The following MED13 variants were observed in gnomAD, a reference collection of about 807,000 sequenced individuals.
The protein encoded by MED13 is mediator complex subunit 13, also known as mediator of RNA polymerase II transcription subunit 13.
Under a neutral mutation model 225.2 loss-of-function variants are expected in MED13, and 23 were observed. That is an observed-to-expected ratio of 0.10 (90% CI 0.07 to 0.14). MED13 has a LOEUF of 0.14. MED13 is among the 10% of genes least tolerant of loss of function. MED13 has a pLI of 1.00. For missense variants in MED13, 2,197 were observed against 2,594.5 expected, an observed-to-expected ratio of 0.85 and a Z score of 3.33; for synonymous variants, 942 against 889.2, an observed-to-expected ratio of 1.06 and a Z score of -1.06.
intron 2 of MED13, 60 bp from the exon 3 acceptor site, chr17:62,052,765 T>A: frequency 7.8e-7 from 1 of 1,283,834 alleles, no homozygotes; most frequent in Non-Finnish European, 1.0e-6. Flanking sequence ...CAGAGCCAAG[T>A]AAAAAAGGTT....
intron 8 of MED13, among the ~76,000 whole-genome samples, chr17:62,026,743 A>G (rs1809963931): frequency 6.6e-6 from 1 of 152,192 alleles, no homozygotes; most frequent in African/African-American, 2.4e-5. Context: ...GTAAAATTTC[A>G]GGATACAAAA....
Position 61,950,388 on chromosome 17 carries a change from T to G in MED13, c.6291+437A>C, listed in dbSNP as rs190883143. On this transcript the variant is annotated intron_variant, in intron 28 of 29. Coordinates refer to ENST00000397786, the MANE Select transcript of MED13 (RefSeq NM_005121.3). ...AATATAAATTTAAAAACTAGTTGTT[T>G]TTTTTTTTTTTGAGACAGAGTCTCA... Among the ~76,000 whole-genome samples the G allele has an allele frequency of 4.8e-3, 734 of 151,772 alleles. 5 individuals carry two copies. The highest frequency in any genetic ancestry group is 6.6e-3 in the Non-Finnish European group (447 of 67,818).
chr17:62,035,359 TA>T (rs1386877403), intron 4 of MED13, 103 bp downstream of exon 4: 1 of 985,412 alleles, frequency 1.0e-6, no homozygotes, highest in Non-Finnish European at 1.4e-6. Flanking sequence ...ATCATTAGGC[TA>T]AAGATCAGGG....
chr17:62,033,735 A>C (rs1046575457), intron 5 of MED13, 52 bp downstream of exon 5: 29 of 1,535,552 alleles, frequency 1.9e-5, no homozygotes, highest in Non-Finnish European at 7.1e-6. Flanking sequence ...AAATATAACT[A>C]ACACATACAA....
intron 8 of MED13, among the ~76,000 whole-genome samples, chr17:62,016,915 C>T (rs1414846303): frequency 2.6e-5 from 4 of 151,908 alleles, no homozygotes; most frequent in Non-Finnish European, 2.9e-5. Context: ...GAGGCTGAGG[C>T]AGGAGAATCA....
At chr17:61,995,390 T>G (rs375068005) in intron 9 of MED13, 25 bp from the exon 10 acceptor site, 2 of 1,528,570 alleles carry the variant, frequency 1.3e-6, no homozygotes, top group African/African-American at 1.4e-5. Flanking sequence ...TAAAAAAAAT[T>G]AATTATCCAC....
intron 17 of MED13, among the ~76,000 whole-genome samples, chr17:61,969,981 A>G (rs2080092887): frequency 2.0e-5 from 3 of 152,200 alleles, no homozygotes. Context: ...GAACATGGAG[A>G]TTACAAAACA....
chr17:62,006,009 C>T (rs1377005123), intron 9 of MED13: 2 of 152,084 alleles, frequency 1.3e-5, no homozygotes, highest in African/African-American at 4.8e-5. Flanking sequence ...GAATAAATCT[C>T]TAACAGTAGG....
At chr17:61,950,635 C>T (rs1454850178) in intron 28 of MED13, among the ~76,000 whole-genome samples, 190 bp downstream of exon 28, 1 of 152,184 alleles carries the variant, frequency 6.6e-6, no homozygotes, top group Non-Finnish European at 1.5e-5. Context: ...CTGCCTGCCT[C>T]GGCCTCTCAA....
chr17:61,964,928 T>A, intron 20 of MED13, 78 bp downstream of exon 20: 1 of 1,331,962 alleles, frequency 7.5e-7, no homozygotes, highest in Non-Finnish European at 1.0e-6. Context: ...AGAGTGAGAC[T>A]GTGTCTCAAG....
chr17:61,990,625 G>GTGTATA (rs1555635067), intron 11 of MED13, among the ~76,000 whole-genome samples: 1 of 81,970 alleles, frequency 1.2e-5, no homozygotes, highest in Non-Finnish European at 2.3e-5. Context: ...TTGGCGCACT[G>GTGTATA]TGTATATATA....
chr17:61,990,292 A>G (rs2080284512), intron 11 of MED13, among the ~76,000 whole-genome samples: 1 of 152,066 alleles, frequency 6.6e-6, no homozygotes, highest in African/African-American at 2.4e-5. Context: ...ATATATACAT[A>G]CACACACATA....
At chr17:62,065,013 G>C in intron 1 of MED13, 127 bp downstream of exon 1, 1 of 756,620 alleles carries the variant, frequency 1.3e-6, no homozygotes, top group South Asian at 2.8e-5. Flanking sequence ...GCTTCGCAGG[G>C]CGCCGGCTCC....
At chr17:62,058,530 A>G (rs1221823126) in intron 2 of MED13, among the ~76,000 whole-genome samples, 2 of 150,930 alleles carry the variant, frequency 1.3e-5, no homozygotes, top group African/African-American at 4.9e-5. Context: ...CAAAAAAAAA[A>G]AAAAAAAAAA....
chr17:62,021,238 G>A (rs1266823245), intron 8 of MED13, among the ~76,000 whole-genome samples: 42 of 145,058 alleles, frequency 2.9e-4, no homozygotes, highest in African/African-American at 6.6e-4. Flanking sequence ...CCGGGCAGAG[G>A]GGCTCCTCAC....
At chr17:61,973,054 GT>G (rs1204900739) in intron 16 of MED13, among the ~76,000 whole-genome samples, 166 bp from the exon 17 acceptor site, 4 of 152,198 alleles carry the variant, frequency 2.6e-5, no homozygotes, top group Non-Finnish European at 5.9e-5. Context: ...AAGATGATCT[GT>G]AAAAAGGTTC....
In MED13 at chr17:61,965,248, G is replaced by A. The variant is rs1282310023; in HGVS notation, c.4602C>T (p.Thr1534=). The change falls in exon 20 of 30, where the codon ACC becomes ACT. Residue 1534 remains threonine (T), a synonymous_variant. Coordinates refer to ENST00000397786, the MANE Select transcript of MED13 (RefSeq NM_005121.3). ...ATGATGAAGATGAAGTTGAAGCTGT[G>A]GTCAAAGTTGAATTAGCTGTGGCAA... is the stretch of plus-strand genomic sequence containing the variant. ...TSVATANSTL[T]TASTSSSSSS... is the part of the protein sequence containing the mutation. 6.2e-7 allele frequency: 1 copy of A among 1,613,980 alleles called. No individual in the cohort carries two copies. The highest frequency in any genetic ancestry group is 1.7e-5 in the Admixed American group (1 of 60,028).
chr17:62,007,721 G>A (rs547254942), intron 9 of MED13, among the ~76,000 whole-genome samples: 144 of 152,060 alleles, frequency 9.5e-4, no homozygotes, highest in African/African-American at 3.1e-3. Flanking sequence ...GGTGGCAGGC[G>A]CCTGTAGCCC....
Position 61,965,351 on chromosome 17 carries a change from T to G in MED13, c.4499A>C (p.Asn1500Thr). The G allele has an allele frequency of 6.2e-7, 1 of 1,614,220 alleles. No homozygotes were observed. Among genetic ancestry groups the G allele is most frequent in the South Asian group, 1.1e-5 (1 of 91,090 alleles). ...AGATGCTAAGGTGGCAGATGGAGTA[T>G]TAGCATTTCCAGTATTTGTCATCTG... Reference protein sequence around the residue: ...PPQMTNTGNANTPSATLASAA... With the variant: ...PPQMTNTGNATTPSATLASAA... The change falls in exon 20 of 30, where the codon AAT (asparagine) becomes ACT (threonine). Residue 1500 changes from asparagine to threonine, a missense_variant. Coordinates refer to ENST00000397786, the MANE Select transcript of MED13 (RefSeq NM_005121.3).
Sources: gnomAD v4.1 joint callset for allele counts (sites outside exome capture counted in the v4.1 genomes callset) on GRCh38, gnomAD v4.1.1 for gene constraint, MANE v1.5 for transcripts, NCBI Gene and HGNC (gene_info 2026-07-23, HGNC 2026-07-21) for gene names.